Variants in PLXNA4 observed in about 807,000 individuals in gnomAD.
PLXNA4 encodes the protein plexin-A4.
PLXNA4 carries 44 observed loss-of-function variants against 191.8 expected under a neutral mutation model. The observed-to-expected ratio is 0.23, with a 90% CI of 0.18 to 0.29. The LOEUF is 0.29. Among genes scored for constraint, PLXNA4 ranks in the 10% least tolerant of loss-of-function variants. The pLI is 1.00. For missense variants in PLXNA4, 1,800 were observed against 2,488.8 expected, an observed-to-expected ratio of 0.72 and a Z score of 5.89; for synonymous variants, 1,082 against 1,009.5, an observed-to-expected ratio of 1.07 and a Z score of -1.36.
intron 20 of PLXNA4, among the ~76,000 whole-genome samples, chr7:132,178,713 T>TACACATACACACACACACAC (rs142378860): frequency 8.9e-6 from 1 of 112,080 alleles, no homozygotes; most frequent in African/African-American, 3.8e-5. Flanking sequence ...CACATACACA[T>TACACATACACACACACACAC]ACACACACAC....
rs188824212 is a variant in PLXNA4, at chr7:132,433,115, G to A, written c.1371+56177C>T. 9.9e-5 allele frequency among the ~76,000 whole-genome samples: 15 copies of A among 152,278 alleles called. No individual in the cohort carries two copies. The East Asian group carries it at 1.2e-3, about 12-fold the overall frequency. ...TGACTAGACTAAAGCACTTGACTGC[G>A]TTGGAAAACTTAGGAGCCATATTTA... On this transcript the variant is annotated intron_variant, in intron 3 of 31. Transcript: ENST00000321063.
In PLXNA4 at chr7:132,125,151, C is replaced by G. The variant is rs1794734692; in HGVS notation, c.*5328G>C. On this transcript the variant is annotated 3_prime_UTR_variant, in exon 32 of 32. Coordinates refer to ENST00000321063, the MANE Select transcript of PLXNA4 (RefSeq NM_020911.2). ...GTCAAGAGCATGCCACCCTTAGCAC[C>G]ATGAGGAGAGGTTTGCAGAGTGTCC... 1 of 152,122 alleles carries G rather than the reference C, an allele frequency of 6.6e-6. No individual in the cohort carries two copies. Among genetic ancestry groups the G allele is most frequent in the South Asian group, 2.1e-4 (1 of 4,824 alleles). The allele number at this position is 152,122 out of a possible 1,614,324, so 9.4% of individuals were successfully genotyped here.
intron 3 of PLXNA4, among the ~76,000 whole-genome samples, chr7:132,303,218 A>G (rs531101214): frequency 6.6e-6 from 1 of 151,856 alleles, no homozygotes; most frequent in African/African-American, 2.4e-5. Context: ...GGATCACCTA[A>G]ACAATGAGAA....
chr7:132,617,361 G>A (rs187390820), intron 2 of PLXNA4, among the ~76,000 whole-genome samples: 125 of 152,242 alleles, frequency 8.2e-4, no homozygotes, highest in Admixed American at 2.2e-3. Context: ...GGGTAGACTT[G>A]CTCCAGGAAC....
At chr7:132,277,502 T>C (rs1440204506) in intron 4 of PLXNA4, among the ~76,000 whole-genome samples, 1 of 152,144 alleles carries the variant, frequency 6.6e-6, no homozygotes, top group African/African-American at 2.4e-5. Context: ...AGGCTTTGAA[T>C]CACGCACAGG....
rs148474477 is a variant in PLXNA4 at position 132,430,974 on chromosome 7, T to A, written c.1371+58318A>T. 1.3e-3 allele frequency among the ~76,000 whole-genome samples: 203 copies of A among 152,264 alleles called. 1 individual carries two copies. Among genetic ancestry groups the A allele is most frequent in the African/African-American group, 4.7e-3 (196 of 41,558 alleles). Reference sequence around the variant, plus strand: ...GAGGTGGGACTTGTAAAGTGATTCATGGTTATGAGTGTAGACCCGGGAATC... The same window carrying A: ...GAGGTGGGACTTGTAAAGTGATTCAAGGTTATGAGTGTAGACCCGGGAATC... On this transcript the variant is annotated intron_variant, in intron 3 of 31. Coordinates refer to ENST00000321063, the MANE Select transcript of PLXNA4 (RefSeq NM_020911.2).
rs115658214 is a variant in PLXNA4 at position 132,521,842 on chromosome 7, G to C, written c.-86-13063C>G. On this transcript the variant is annotated intron_variant, in intron 1 of 31. Coordinates refer to ENST00000321063, the MANE Select transcript of PLXNA4 (RefSeq NM_020911.2). ...CACCAGGTCCTAACTTGCCAGGGCT[G>C]CTGACATAACAGATTCCCTCCCCTG... Among the ~76,000 whole-genome samples, 1,011 of 152,306 alleles carry C rather than the reference G, an allele frequency of 6.6e-3. 13 individuals are homozygous for C. The highest frequency in any genetic ancestry group is 0.023 in the African/African-American group (961 of 41,574).
intron 3 of PLXNA4, among the ~76,000 whole-genome samples, chr7:132,369,401 G>A (rs575816795): frequency 6.6e-6 from 1 of 152,298 alleles, no homozygotes; most frequent in Non-Finnish European, 1.5e-5. Context: ...CCCAAGCCTG[G>A]TGAGAACAGA....
At chr7:132,235,497 C>A (rs1224730100) in intron 5 of PLXNA4, among the ~76,000 whole-genome samples, 2 of 152,172 alleles carry the variant, frequency 1.3e-5, no homozygotes. Flanking sequence ...TAACCCCTGC[C>A]AACCTATCCA....
chr7:132,442,698 ACTG>A (rs1795742195), intron 3 of PLXNA4, among the ~76,000 whole-genome samples: 1 of 152,226 alleles, frequency 6.6e-6, no homozygotes, highest in Non-Finnish European at 1.5e-5. Context: ...GATGTGGAAA[ACTG>A]ACCAAGACAA....
At chr7:132,522,711 G>A (rs1799239764) in intron 1 of PLXNA4, among the ~76,000 whole-genome samples, 2 of 152,224 alleles carry the variant, frequency 1.3e-5, no homozygotes, top group Non-Finnish European at 2.9e-5. Context: ...GGCAGAGGTT[G>A]CAGCAAGCTG....
chr7:132,307,959 C>T (rs1172453083), intron 3 of PLXNA4, among the ~76,000 whole-genome samples: 3 of 152,170 alleles, frequency 2.0e-5, no homozygotes, highest in African/African-American at 7.2e-5. Flanking sequence ...CCATTACACA[C>T]ATTCTCAGAG....
At chr7:132,541,105 A>G (rs553758411) in intron 1 of PLXNA4, among the ~76,000 whole-genome samples, 1 of 152,238 alleles carries the variant, frequency 6.6e-6, no homozygotes, top group South Asian at 2.1e-4. Flanking sequence ...GGAGAAAAGT[A>G]ACAGCAGCAC....
intron 4 of PLXNA4, among the ~76,000 whole-genome samples, chr7:132,244,948 T>G (rs1584893033): frequency 1.3e-5 from 2 of 152,298 alleles, no homozygotes; most frequent in East Asian, 3.9e-4. Flanking sequence ...TGAGCCACCT[T>G]GTCTCTATGA....
At chr7:132,154,807 C>A (rs1211938280) in intron 25 of PLXNA4, among the ~76,000 whole-genome samples, 1 of 152,236 alleles carries the variant, frequency 6.6e-6, no homozygotes, top group East Asian at 1.9e-4. Context: ...ACCTCTCTCG[C>A]AGCAGCTCTG....
intron 3 of PLXNA4, among the ~76,000 whole-genome samples, chr7:132,379,730 C>T (rs186794840): frequency 9.8e-4 from 149 of 152,296 alleles, no homozygotes; most frequent in Non-Finnish European, 1.9e-3. Context: ...GGTTGCAAAC[C>T]ACCAGGGAAG....
intron 4 of PLXNA4, among the ~76,000 whole-genome samples, chr7:132,246,975 G>A (rs1562989743): frequency 6.6e-6 from 1 of 152,154 alleles, no homozygotes; most frequent in South Asian, 2.1e-4. Context: ...TTCTCCATCT[G>A]ATGAGCTGAG....
chr7:132,205,534 A>AG (rs756885789), intron 10 of PLXNA4, among the ~76,000 whole-genome samples: 4 of 152,010 alleles, frequency 2.6e-5, no homozygotes, highest in Non-Finnish European at 5.9e-5. Context: ...AGAGAGAGAG[A>AG]GAACTTCCAG....
intron 1 of PLXNA4, among the ~76,000 whole-genome samples, chr7:132,562,930 C>CCCTCCTCCTCCCCCT (rs1169624258): frequency 3.4e-3 from 27 of 7,922 alleles, no homozygotes; most frequent in Non-Finnish European, 4.1e-3. Context: ...CTCCTCCTCT[C>CCCTCCTCCTCCCCCT]CCTCCTCCTC....
Sources: gnomAD v4.1 joint callset for allele counts (sites outside exome capture counted in the v4.1 genomes callset) on GRCh38, gnomAD v4.1.1 for gene constraint, MANE v1.5 for transcripts, NCBI Gene and HGNC (gene_info 2026-07-23, HGNC 2026-07-21) for gene names.